Variants in NF1 observed in about 807,000 individuals in gnomAD.
NF1 encodes the protein neurofibromin 1.
NF1 carries 122 observed loss-of-function variants against 325.7 expected under a neutral mutation model. The ratio of observed to expected loss-of-function variants is 0.37; its 90% CI spans 0.32 to 0.44. The LOEUF (loss-of-function observed/expected upper bound fraction) is 0.44. NF1 is among the 20% of genes least tolerant of loss of function. The pLI is 1.00. For synonymous variants in NF1, 1,091 were observed against 1,186.0 expected (o/e 0.92, Z 1.65); for missense variants, 2,140 against 3,415.4 (o/e 0.63, Z 9.31).
At chr17:31,324,320 G>A (rs888558217) in intron 36 of NF1, among the ~76,000 whole-genome samples, 1 of 152,192 alleles carries the variant, frequency 6.6e-6, no homozygotes, top group African/African-American at 2.4e-5. Flanking sequence ...GCCCGTCTTG[G>A]CCTCCCAAAG....
chr17:31,263,740 A>G (rs2067735095), intron 35 of NF1, among the ~76,000 whole-genome samples: 1 of 151,596 alleles, frequency 6.6e-6, no homozygotes, highest in Non-Finnish European at 1.5e-5. Context: ...CTAAATTCCC[A>G]CTGATGCTCT....
At chr17:31,217,333 ACAGAGT>A (rs2066836339) in intron 13 of NF1, among the ~76,000 whole-genome samples, 2 of 150,860 alleles carry the variant, frequency 1.3e-5, no homozygotes, top group Admixed American at 6.6e-5. Flanking sequence ...TTTTTCTGAG[ACAGAGT>A]CTCACTATAT....
chr17:31,204,234 C>T lies in NF1; in HGVS notation c.1261-2006C>T, dbSNP rs143571046. Among the ~76,000 whole-genome samples, 1,452 of 152,060 alleles carry T rather than the reference C, an allele frequency of 9.5e-3. 24 individuals are homozygous for T. Among genetic ancestry groups the T allele is most frequent in the African/African-American group, 0.033 (1,358 of 41,512 alleles). ...ATTACTTATTTCTGTTTTTTCCTTA[C>T]GACAATTTATCGTAATTTACATATG... On this transcript the variant is annotated intron_variant, in intron 11 of 57. Transcript: ENST00000358273.
rs574282488 is a variant in NF1 at position 31,132,438 on chromosome 17, G to A, written c.61-23545G>A. On this transcript the variant is annotated intron_variant, in intron 1 of 57. Coordinates refer to ENST00000358273, the MANE Select transcript of NF1 (RefSeq NM_001042492.3). Reference sequence around the variant, plus strand: ...GCCTGTAATCCCAGCTACTCAGGAGGCCGAGGCAGGAGAATCGCTTGAACC... The same window carrying A: ...GCCTGTAATCCCAGCTACTCAGGAGACCGAGGCAGGAGAATCGCTTGAACC... Among the ~76,000 whole-genome samples, 5 of 152,158 alleles carry A rather than the reference G, an allele frequency of 3.3e-5. No individual in the cohort carries two copies. The South Asian group carries it at 1.0e-3, about 32-fold the overall frequency.
At chr17:31,295,474 C>CA in intron 36 of NF1, 1 of 1,614,100 alleles carries the variant, frequency 6.2e-7, no homozygotes, top group Non-Finnish European at 8.5e-7. Flanking sequence ...TAATGGTGTC[C>CA]ACTGTCTGCA....
Position 31,172,034 on chromosome 17 carries a change from C to T in NF1, c.586+2037C>T, listed in dbSNP as rs143908504. On this transcript the variant is annotated intron_variant, in intron 5 of 57. Transcript: ENST00000358273. ...GAGAGATGAGCAAGATGTGAAGGTA[C>T]AAGAATAGGTCAGATCATTTTAATA... is the stretch of plus-strand genomic sequence containing the variant. Among the ~76,000 whole-genome samples, 274 of 152,092 alleles carry T rather than the reference C, an allele frequency of 1.8e-3. 2 individuals carry two copies. Among genetic ancestry groups the T allele is most frequent in the African/African-American group, 6.2e-3 (257 of 41,472 alleles).
At chr17:31,159,210 A>C (rs900644345) in intron 3 of NF1, 117 bp downstream of exon 3, 1 of 737,622 alleles carries the variant, frequency 1.4e-6, no homozygotes, top group Non-Finnish European at 2.4e-6. Flanking sequence ...TGTCTGAGAC[A>C]TATAAATATG....
Position 31,152,178 on chromosome 17 carries a change from T to G in NF1, c.61-3805T>G, listed in dbSNP as rs78715086. The stretch of plus-strand genomic sequence containing the variant: ...GTCTGATGAGAGTCTAATTTTTGGG[T>G]TTTTTTTGTATAAATAATGTCCTCT... On this transcript the variant is annotated intron_variant, in intron 1 of 57. Transcript: ENST00000358273. 3.4e-4 allele frequency among the ~76,000 whole-genome samples: 43 copies of G among 127,704 alleles called. No individual in the cohort carries two copies. The South Asian group carries it at 6.8e-3, about 20-fold the overall frequency. The allele number at this position is 127,704 out of a possible 152,430, so 83.8% of individuals were successfully genotyped here. A position where few individuals can be genotyped will look rare whatever the true frequency, so the allele number is the denominator to read the frequency against.
intron 36 of NF1, among the ~76,000 whole-genome samples, chr17:31,283,514 C>T (rs549380919): frequency 5.1e-4 from 78 of 152,012 alleles, no homozygotes; most frequent in African/African-American, 1.8e-3. Flanking sequence ...AGTGCAGTGA[C>T]GCAGTCACAG....
intron 36 of NF1, chr17:31,304,930 C>T: frequency 1.2e-6 from 2 of 1,614,112 alleles, no homozygotes; most frequent in Non-Finnish European, 1.7e-6. Flanking sequence ...TTTCCTTAAG[C>T]ATTTCCAAAG....
At chr17:31,348,854 TG>T (rs1479079444) in intron 48 of NF1, among the ~76,000 whole-genome samples, 2 of 152,182 alleles carry the variant, frequency 1.3e-5, no homozygotes, top group Admixed American at 1.3e-4. Context: ...AAGACTATCA[TG>T]TTTTTTAATT....
At chr17:31,208,234 CA>C (rs982524778) in intron 12 of NF1, among the ~76,000 whole-genome samples, 3 of 151,952 alleles carry the variant, frequency 2.0e-5, no homozygotes, top group African/African-American at 7.3e-5. Context: ...ATTTAATTTT[CA>C]AAATCATTCC....
rs371047262 is a variant in NF1, at chr17:31,232,043, A to ATT, written c.3198-5_3198-4dup. ...AACTTGAAAGATTCATGGTCTCTAA[A>ATT]TTTTTTTTTTTTTTTTTTTTTTTTT... On this transcript the variant is annotated intron_variant, in intron 24 of 57. Coordinates refer to ENST00000358273, the MANE Select transcript of NF1 (RefSeq NM_001042492.3). 21,539 of 587,366 alleles carry ATT rather than the reference A, an allele frequency of 0.037. 631 individuals are homozygous for ATT. The highest frequency in any genetic ancestry group is 0.076 in the South Asian group (3,438 of 45,050). The allele number at this position is 587,366 out of a possible 1,614,324, so 36.4% of individuals were successfully genotyped here.
At chr17:31,315,817 A>C (rs1349762269) in intron 36 of NF1, among the ~76,000 whole-genome samples, 1 of 152,146 alleles carries the variant, frequency 6.6e-6, no homozygotes, top group Non-Finnish European at 1.5e-5. Context: ...CTTGTTCTTA[A>C]CTTCAGGGTA....
chr17:31,283,526 T>C (rs1040710607), intron 36 of NF1, among the ~76,000 whole-genome samples: 3 of 151,992 alleles, frequency 2.0e-5, no homozygotes, highest in African/African-American at 7.2e-5. Context: ...CAGTCACAGC[T>C]CACTACAGCC....
At chr17:31,294,395 G>C (rs1256360787) in intron 36 of NF1, among the ~76,000 whole-genome samples, 2 of 152,152 alleles carry the variant, frequency 1.3e-5, no homozygotes, top group Non-Finnish European at 2.9e-5. Context: ...TATATAATCT[G>C]TCAAGTAGCC....
chr17:31,240,230 C>T (rs551716679), intron 29 of NF1, among the ~76,000 whole-genome samples: 1 of 152,296 alleles, frequency 6.6e-6, no homozygotes, highest in South Asian at 2.1e-4. Context: ...CCCCACCCCC[C>T]ACTACACTTC....
At chr17:31,159,283 T>C (rs1186959890) in intron 3 of NF1, among the ~76,000 whole-genome samples, 190 bp downstream of exon 3, 1 of 152,224 alleles carries the variant, frequency 6.6e-6, no homozygotes, top group African/African-American at 2.4e-5. Flanking sequence ...TTCTCATCTT[T>C]TGTAAATTAA....
At chr17:31,146,788 A>G (rs1430935318) in intron 1 of NF1, among the ~76,000 whole-genome samples, 4 of 152,212 alleles carry the variant, frequency 2.6e-5, no homozygotes, top group African/African-American at 9.6e-5. Context: ...GTTGCCCAGA[A>G]TTGCGGTGGC....
Sources: gnomAD v4.1 joint callset for allele counts (sites outside exome capture counted in the v4.1 genomes callset) on GRCh38, gnomAD v4.1.1 for gene constraint, MANE v1.5 for transcripts, NCBI Gene and HGNC (gene_info 2026-07-23, HGNC 2026-07-21) for gene names.